The following NTN1 variants were observed in gnomAD, a reference collection of about 807,000 sequenced individuals.
NTN1 encodes the protein netrin-1.
A neutral mutation model predicts 54.2 loss-of-function variants in NTN1; 11 were observed. The ratio of observed to expected loss-of-function variants is 0.20; its 90% confidence interval spans 0.13 to 0.34. The LOEUF is 0.34. NTN1 is among the 10% of genes least tolerant of loss of function. NTN1 has a pLI of 1.00. For missense variants in NTN1, 740 were observed against 893.1 expected (o/e 0.83, Z 2.18); for synonymous variants, 371 against 382.0 (o/e 0.97, Z 0.33).
At chr17:9,147,302 G>A (rs911143225) in intron 2 of NTN1, among the ~76,000 whole-genome samples, 9 of 152,156 alleles carry the variant, frequency 5.9e-5, no homozygotes, top group South Asian at 2.1e-4. Context: ...TCAGGAGATC[G>A]AGACCATCCT....
intron 2 of NTN1, among the ~76,000 whole-genome samples, chr17:9,060,254 T>C (rs2091992621): frequency 6.6e-6 from 1 of 152,202 alleles, no homozygotes. Flanking sequence ...ATGATCCACT[T>C]CCACTTAATG....
At chr17:9,053,999 A>T (rs1266782993) in intron 2 of NTN1, among the ~76,000 whole-genome samples, 2 of 152,156 alleles carry the variant, frequency 1.3e-5, no homozygotes, top group African/African-American at 4.8e-5. Context: ...TTTCCCAGGG[A>T]CTGGGTGGTC....
chr17:9,028,871 G>A lies in NTN1; in HGVS notation c.1018+5480G>A, dbSNP rs570958276. ...TTTACCAAAATAAATGGCTCTCTAG[G>A]GAACTGGATTATAAAACAGCCTTAT... On this transcript the variant is annotated intron_variant, in intron 2 of 6. Transcript: ENST00000173229. Among the ~76,000 whole-genome samples, 8 of 152,216 alleles carry A rather than the reference G, an allele frequency of 5.3e-5. No homozygotes were observed. In the South Asian group the frequency reaches 1.7e-3, roughly 32 times the overall value.
intron 1 of NTN1, among the ~76,000 whole-genome samples, chr17:9,021,939 G>A (rs1261181085): frequency 6.6e-6 from 1 of 152,200 alleles, no homozygotes. Flanking sequence ...ACCCCGGGCT[G>A]CGAGACGAAG....
intron 3 of NTN1, among the ~76,000 whole-genome samples, chr17:9,170,476 C>T (rs740641): frequency 0.098 from 14,981 of 152,236 alleles, 982 homozygotes; most frequent in East Asian, 0.22. Flanking sequence ...AGGGCTCAGC[C>T]CCAGTGTGGA....
Position 9,162,671 on chromosome 17 carries a change from A to G in NTN1, c.1019-142A>G, listed in dbSNP as rs1444917860. Reference sequence around the variant, plus strand: ...GTACAAACAGGAGGAGCCGAGGAGGAGCTCCTGGAGCACAAGTCTGCCTGC... The same window carrying G: ...GTACAAACAGGAGGAGCCGAGGAGGGGCTCCTGGAGCACAAGTCTGCCTGC... On this transcript the variant is annotated intron_variant, in intron 2 of 6. Coordinates refer to ENST00000173229, the MANE Select transcript of NTN1 (RefSeq NM_004822.3). 5.3e-6 allele frequency: 4 copies of G among 749,400 alleles called. No individual in the cohort carries two copies. In the African/African-American group the frequency reaches 7.0e-5, roughly 13 times the overall value. 46.4% of individuals were successfully genotyped at this position (749,400 alleles called of 1,614,324 possible). A position where few individuals can be genotyped will look rare whatever the true frequency, so the allele number is the denominator to read the frequency against.
chr17:9,087,190 C>T (rs1352347241), intron 2 of NTN1, among the ~76,000 whole-genome samples: 1 of 152,104 alleles, frequency 6.6e-6, no homozygotes, highest in African/African-American at 2.4e-5. Flanking sequence ...CTTAGTTTGC[C>T]AACCACCCTA....
In NTN1 at chr17:9,211,799, A is replaced by G. The variant is rs548094638; in HGVS notation, c.1412-9369A>G. Among the ~76,000 whole-genome samples the G allele has an allele frequency of 3.3e-5, 5 of 152,310 alleles. No individual in the cohort carries two copies. The highest frequency in any genetic ancestry group is 3.4e-3 in the Middle Eastern group (1 of 294). Reference sequence around the variant, plus strand: ...ATAATTTGAGATTGAACATGGGTGCATCTCTTTGTTCCCTTTTTATTTCCT... The same window carrying G: ...ATAATTTGAGATTGAACATGGGTGCGTCTCTTTGTTCCCTTTTTATTTCCT... On this transcript the variant is annotated intron_variant, in intron 5 of 6. Coordinates refer to ENST00000173229, the MANE Select transcript of NTN1 (RefSeq NM_004822.3). This position sits in a 1 kb window ranked among gnomAD's most constrained non-coding sequence, Gnocchi z 4.4.
chr17:9,034,720 G>A (rs2091898083), intron 2 of NTN1, among the ~76,000 whole-genome samples: 1 of 152,060 alleles, frequency 6.6e-6, no homozygotes, highest in Admixed American at 6.6e-5. Flanking sequence ...ACTGCGCCTG[G>A]CCTTGTTATT....
chr17:9,094,122 A>G (rs1185442506), intron 2 of NTN1, among the ~76,000 whole-genome samples: 3 of 152,364 alleles, frequency 2.0e-5, no homozygotes, highest in African/African-American at 4.8e-5. Flanking sequence ...TTCTACAAAC[A>G]GGATTTTATA....
chr17:9,209,511 G>A (rs1043268547), intron 5 of NTN1, among the ~76,000 whole-genome samples: 11 of 152,200 alleles, frequency 7.2e-5, no homozygotes, highest in African/African-American at 1.7e-4. Context: ...CTTGGCCCTG[G>A]GTGTGCATTG....
chr17:9,049,530 T>C lies in NTN1; in HGVS notation c.1018+26139T>C, dbSNP rs141985861. On this transcript the variant is annotated intron_variant, in intron 2 of 6. Coordinates refer to ENST00000173229, the MANE Select transcript of NTN1 (RefSeq NM_004822.3). ...ATATGATGGCCCAGGAAGAATACTT[T>C]GCTTCTGCAGGATTCTTGCTAACCT... 2.4e-3 allele frequency among the ~76,000 whole-genome samples: 373 copies of C among 152,374 alleles called. 2 individuals are homozygous for C. The highest frequency in any genetic ancestry group is 8.6e-3 in the African/African-American group (357 of 41,584).
intron 2 of NTN1, among the ~76,000 whole-genome samples, chr17:9,158,896 A>G (rs1273024193): frequency 1.3e-5 from 2 of 152,090 alleles, no homozygotes; most frequent in African/African-American, 4.8e-5. Flanking sequence ...CTGCTTTCAG[A>G]CTTCAGGGCA....
At chr17:9,218,282 G>A (rs1905256795) in intron 5 of NTN1, among the ~76,000 whole-genome samples, 1 of 152,214 alleles carries the variant, frequency 6.6e-6, no homozygotes, top group South Asian at 2.1e-4. Context: ...TTGAGCTGGT[G>A]AGTCACCAAT....
chr17:9,235,398 C>G (rs1412129906), intron 6 of NTN1, among the ~76,000 whole-genome samples: 11 of 152,320 alleles, frequency 7.2e-5, no homozygotes, highest in Non-Finnish European at 1.5e-4. Flanking sequence ...CCCCCCTGTT[C>G]CAGCGTTGTT....
chr17:9,166,224 G>T, intron 3 of NTN1, among the ~76,000 whole-genome samples: 1 of 132,796 alleles, frequency 7.5e-6, no homozygotes, highest in East Asian at 2.6e-4. Flanking sequence ...CTCCTGCCTT[G>T]TATTCCCAGG....
intron 2 of NTN1, among the ~76,000 whole-genome samples, chr17:9,052,339 G>A (rs1344410752): frequency 6.6e-6 from 1 of 152,192 alleles, no homozygotes; most frequent in East Asian, 1.9e-4. Flanking sequence ...GAATGATTGA[G>A]GGCATGTTAT....
At chr17:9,190,226 G>C (rs1409719144) in intron 5 of NTN1, among the ~76,000 whole-genome samples, 1 of 152,088 alleles carries the variant, frequency 6.6e-6, no homozygotes, top group Non-Finnish European at 1.5e-5. Context: ...GTAAAGAAAA[G>C]AACAAGACTT....
rs1201869125 is a variant in NTN1 at position 9,168,330 on chromosome 17, T to C, written c.1207+5329T>C. 5.3e-5 allele frequency among the ~76,000 whole-genome samples: 8 copies of C among 152,126 alleles called. No homozygotes were observed. In the South Asian group the frequency reaches 6.2e-4, roughly 12 times the overall value. ...GGCGGATTACCTGAGGTCAGGAGTT[T>C]GAGACTAGCCTGACCAACATGGAGA... On this transcript the variant is annotated intron_variant, in intron 3 of 6. Transcript: ENST00000173229.
Sources: allele counts gnomAD v4.1 joint callset (sites outside exome capture counted in the v4.1 genomes callset), GRCh38; gene constraint gnomAD v4.1.1; non-coding constraint Gnocchi (gnomAD v3.1); transcripts MANE v1.5; gene names NCBI Gene and HGNC (gene_info 2026-07-23, HGNC 2026-07-21).